Variants in DAPK1 observed in about 807,000 individuals in gnomAD.
The protein encoded by DAPK1 is death-associated protein kinase 1.
In DAPK1, 56 loss-of-function variants were observed where a neutral mutation model predicts 144.9. That is an observed-to-expected ratio of 0.39 (90% CI 0.31 to 0.48). DAPK1 has a LOEUF of 0.48. DAPK1 is among the 20% of genes least tolerant of loss of function. The probability of loss-of-function intolerance (pLI) is 0.95; values close to 1 mark genes in which losing one functional copy is unlikely to be tolerated. For missense variants in DAPK1, 1,454 were observed against 1,875.4 expected (o/e 0.78, Z 4.15); for synonymous variants, 690 against 749.0 (o/e 0.92, Z 1.29).
chr9:87,588,764 TGAA>T (rs963898687), intron 2 of DAPK1, among the ~76,000 whole-genome samples: 5 of 152,222 alleles, frequency 3.3e-5, no homozygotes, highest in African/African-American at 1.2e-4. Context: ...AGAAAATGCA[TGAA>T]GAAGAAGTCT....
intron 2 of DAPK1, among the ~76,000 whole-genome samples, chr9:87,535,589 A>G (rs902343240): frequency 2.0e-5 from 3 of 152,128 alleles, no homozygotes; most frequent in East Asian, 3.8e-4. Context: ...TTTCTCCAAG[A>G]AAGTTTAGTC....
intron 2 of DAPK1, among the ~76,000 whole-genome samples, chr9:87,555,322 C>T (rs1055763335): frequency 6.6e-6 from 1 of 152,116 alleles, no homozygotes; most frequent in Non-Finnish European, 1.5e-5. Flanking sequence ...ACCTCTTAAG[C>T]AACATATCTG....
intron 18 of DAPK1, among the ~76,000 whole-genome samples, chr9:87,661,792 G>C (rs1830856568): frequency 6.6e-6 from 1 of 152,172 alleles, no homozygotes; most frequent in Admixed American, 6.5e-5. Context: ...TGTTCACTCT[G>C]TTGATTATTT....
chr9:87,643,023 T>C (rs1357785277), intron 10 of DAPK1, among the ~76,000 whole-genome samples: 1 of 151,572 alleles, frequency 6.6e-6, no homozygotes, highest in Admixed American at 6.6e-5. Flanking sequence ...TCTCTGAGGG[T>C]GATCTGCAAG....
intron 17 of DAPK1, among the ~76,000 whole-genome samples, chr9:87,656,294 A>G (rs1285230355): frequency 6.6e-6 from 1 of 152,124 alleles, no homozygotes; most frequent in Non-Finnish European, 1.5e-5. Flanking sequence ...CGTTGGGTCC[A>G]GGTGTGGCAG....
intron 2 of DAPK1, among the ~76,000 whole-genome samples, chr9:87,528,794 C>T (rs1825602506): frequency 6.6e-6 from 1 of 150,800 alleles, no homozygotes; most frequent in South Asian, 2.1e-4. Flanking sequence ...ATTTCTTGAA[C>T]CCAGGAGGCG....
At chr9:87,550,780 C>T (rs1017116282) in intron 2 of DAPK1, among the ~76,000 whole-genome samples, 8 of 152,144 alleles carry the variant, frequency 5.3e-5, no homozygotes, top group Admixed American at 5.2e-4. Flanking sequence ...CTGTTACTGC[C>T]GAGTAGTGCT....
chr9:87,644,139 A>G (rs1830188475), intron 11 of DAPK1, among the ~76,000 whole-genome samples: 3 of 152,126 alleles, frequency 2.0e-5, no homozygotes, highest in South Asian at 2.1e-4. Flanking sequence ...GTTGTTCGGT[A>G]CTCTCTAGTT....
intron 19 of DAPK1, among the ~76,000 whole-genome samples, chr9:87,673,297 G>A (rs1434450322): frequency 6.6e-6 from 1 of 152,194 alleles, no homozygotes; most frequent in African/African-American, 2.4e-5. Flanking sequence ...GCTGAGGATG[G>A]TGGCCCTACA....
chr9:87,636,179 C>G (rs932107149), intron 3 of DAPK1, among the ~76,000 whole-genome samples: 1 of 152,126 alleles, frequency 6.6e-6, no homozygotes, highest in African/African-American at 2.4e-5. Flanking sequence ...AGGGAAGGGT[C>G]AGGAGGAGAG....
chr9:87,706,787 C>G lies in DAPK1; in HGVS notation c.3716C>G (p.Pro1239Arg), dbSNP rs1170838138. 6.2e-7 allele frequency: 1 copy of G among 1,613,574 alleles called. No individual in the cohort carries two copies. ...GLLTVKHYLS[P>R]QQLREHHEPV... is the part of the protein sequence containing the mutation. ...CTGACCGTGAAGCATTACCTGAGCC[C>G]CCAGCAGCTGCGGGAGCACCATGAG... The change falls in exon 26 of 26, where the codon CCC (proline) becomes CGC (arginine). Residue 1239 changes from proline (P) to arginine (R), a missense_variant. Transcript: ENST00000408954. This position sits in a 1 kb window ranked among gnomAD's most constrained non-coding sequence, Gnocchi z 9.0.
At position 87,577,111 on chromosome 9, in the gene DAPK1, G is replaced by A. The variant is rs76829727; in HGVS notation, c.63-27843G>A. Among the ~76,000 whole-genome samples, 383 of 152,270 alleles carry A rather than the reference G, an allele frequency of 2.5e-3. 1 individual carries two copies. Among genetic ancestry groups the A allele is most frequent in the African/African-American group, 8.8e-3 (366 of 41,536 alleles). On this transcript the variant is annotated intron_variant, in intron 2 of 25. Coordinates refer to ENST00000408954, the MANE Select transcript of DAPK1 (RefSeq NM_004938.4). ...TCTGGTTTGTCCCTCAAATATATAC[G>A]GGAATCTGGTATGGAACTCAAGATC...
In DAPK1 at chr9:87,643,485, G is replaced by T; in HGVS notation, c.1011+17G>T. 1 of 1,480,650 alleles carries T rather than the reference G, an allele frequency of 6.8e-7. No homozygotes were observed. Among genetic ancestry groups the T allele is most frequent in the South Asian group, 1.2e-5 (1 of 85,566 alleles). 91.7% of individuals were successfully genotyped at this position (1,480,650 alleles called of 1,614,324 possible). On this transcript the variant is annotated intron_variant, in intron 11 of 25. Coordinates refer to ENST00000408954, the MANE Select transcript of DAPK1 (RefSeq NM_004938.4). ...GATACTCTGGTAAGCAAACCCGTGAGCCCTGGTGCTCCTTTCTTAGCACTG... is the reference window on the plus strand; with the variant it reads ...GATACTCTGGTAAGCAAACCCGTGATCCCTGGTGCTCCTTTCTTAGCACTG...
chr9:87,629,232 A>G (rs997053050), intron 3 of DAPK1, among the ~76,000 whole-genome samples: 1 of 152,258 alleles, frequency 6.6e-6, no homozygotes, highest in South Asian at 2.1e-4. Flanking sequence ...ACGTGTGTGG[A>G]GGGCGGTCTA....
intron 19 of DAPK1, among the ~76,000 whole-genome samples, chr9:87,669,873 G>C (rs1831197137): frequency 1.3e-5 from 2 of 152,156 alleles, no homozygotes. Context: ...CCTGGCAGGG[G>C]TAAAATCATG....
chr9:87,641,369 G>C (rs1026725836), intron 9 of DAPK1, among the ~76,000 whole-genome samples: 1 of 152,176 alleles, frequency 6.6e-6, no homozygotes, highest in Admixed American at 6.5e-5. Flanking sequence ...GGCAGAAAGG[G>C]CTAAGGGTGG....
chr9:87,514,466 T>G (rs1205166404), intron 2 of DAPK1, among the ~76,000 whole-genome samples: 2 of 152,216 alleles, frequency 1.3e-5, no homozygotes, highest in African/African-American at 4.8e-5. Flanking sequence ...TCCATTCAAA[T>G]AGCCACTGCA....
At chr9:87,646,044 G>C (rs558251843) in intron 12 of DAPK1, 30 bp downstream of exon 12, 5 of 1,604,520 alleles carry the variant, frequency 3.1e-6, no homozygotes, top group Non-Finnish European at 4.3e-6. Flanking sequence ...CATACTGGAG[G>C]GGTGGGTCAC....
chr9:87,614,475 G>C (rs980176662), intron 3 of DAPK1, among the ~76,000 whole-genome samples: 33 of 152,150 alleles, frequency 2.2e-4, no homozygotes, highest in African/African-American at 7.7e-4. Context: ...ACTATTCTTA[G>C]ACTCCTTCCC....
Sources: gnomAD v4.1 joint callset for allele counts (sites outside exome capture counted in the v4.1 genomes callset) on GRCh38, gnomAD v4.1.1 for gene constraint, Gnocchi (gnomAD v3.1) non-coding constraint, MANE v1.5 for transcripts, NCBI Gene and HGNC (gene_info 2026-07-23, HGNC 2026-07-21) for gene names.